NBAS: variants seen among roughly 807,000 people sequenced by gnomAD.
NBAS encodes NBAS subunit of NRZ tethering complex.
A neutral mutation model predicts 302.5 loss-of-function variants in NBAS; 219 were observed. That is an observed-to-expected ratio of 0.72 (90% confidence interval 0.65 to 0.81). The LOEUF is 0.81. NBAS is among the 30% of genes least tolerant of loss of function. The probability of loss-of-function intolerance (pLI) is 0.00; values close to 1 mark genes in which losing one functional copy is unlikely to be tolerated. For missense variants in NBAS, 2,932 were observed against 2,841.6 expected, an observed-to-expected ratio of 1.03 and a Z score of -0.72; for synonymous variants, 1,118 against 1,021.6, an observed-to-expected ratio of 1.09 and a Z score of -1.80.
intron 6 of NBAS, among the ~76,000 whole-genome samples, chr2:15,547,384 GA>G (rs1436142965): frequency 1.3e-5 from 2 of 152,258 alleles, no homozygotes; most frequent in East Asian, 3.9e-4. Context: ...CACATTATGT[GA>G]AATGGAAAGA....
At chr2:15,430,195 T>C (rs199509277) in intron 21 of NBAS, among the ~76,000 whole-genome samples, 3 of 152,188 alleles carry the variant, frequency 2.0e-5, no homozygotes, top group Non-Finnish European at 2.9e-5. Flanking sequence ...TAATACTTAT[T>C]TGGTATGTAG....
the NBAS span, among the ~76,000 whole-genome samples, chr2:14,844,415 G>A: frequency 3.9e-5 from 6 of 152,194 alleles, no homozygotes; most frequent in African/African-American, 9.7e-5. Flanking sequence ...GTAGTTCATC[G>A]AGGGCCTTGG....
intron 9 of NBAS, among the ~76,000 whole-genome samples, chr2:15,531,303 A>G (rs999896990): frequency 5.3e-5 from 8 of 152,300 alleles, no homozygotes; most frequent in Admixed American, 2.0e-4. Flanking sequence ...TGAAATTCCA[A>G]GACAATAGCT....
the NBAS span, among the ~76,000 whole-genome samples, chr2:15,042,461 G>A: frequency 5.9e-5 from 9 of 152,170 alleles, no homozygotes; most frequent in African/African-American, 2.2e-4. Flanking sequence ...TAAGTGAAAT[G>A]AACAACAATC....
At chr2:15,515,475 C>A (rs1226691451) in intron 9 of NBAS, among the ~76,000 whole-genome samples, 4 of 152,148 alleles carry the variant, frequency 2.6e-5, no homozygotes, top group Non-Finnish European at 5.9e-5. Flanking sequence ...AAGCCAAGAT[C>A]GAGCCACCAC....
chr2:15,239,739 CTATT>C (rs1667775843), intron 44 of NBAS, among the ~76,000 whole-genome samples: 1 of 151,798 alleles, frequency 6.6e-6, no homozygotes, highest in Non-Finnish European at 1.5e-5. Context: ...GGATTATGAG[CTATT>C]TTTTTTTCTT....
the NBAS span, among the ~76,000 whole-genome samples, chr2:14,798,986 G>A: frequency 6.6e-6 from 1 of 151,952 alleles, no homozygotes; most frequent in African/African-American, 2.4e-5. Flanking sequence ...TATAAATGCT[G>A]TAATATGCTC....
chr2:15,510,963 G>C (rs1272169335), intron 10 of NBAS, among the ~76,000 whole-genome samples: 8 of 152,064 alleles, frequency 5.3e-5, no homozygotes, highest in Non-Finnish European at 1.0e-4. Flanking sequence ...ACAAGGAATG[G>C]GACTACTGTT....
chr2:15,500,502 T>TCACACACA lies in NBAS; in HGVS notation c.954+3635_954+3642dup, dbSNP rs72095633. On this transcript the variant is annotated intron_variant, in intron 11 of 51. Coordinates refer to ENST00000281513, the MANE Select transcript of NBAS (RefSeq NM_015909.4). ...TCTACACCATTATATTTTAGAAGTC[T>TCACACACA]CACACACACACACACACACACACAC... Among the ~76,000 whole-genome samples the TCACACACA allele has an allele frequency of 3.6e-3, 491 of 136,226 alleles. 3 individuals are homozygous for TCACACACA. Among genetic ancestry groups the TCACACACA allele is most frequent in the African/African-American group, 8.6e-3 (303 of 35,376 alleles). The allele number at this position is 136,226 out of a possible 152,430, so 89.4% of individuals were successfully genotyped here. A position where few individuals can be genotyped will look rare whatever the true frequency, so the allele number is the denominator to read the frequency against.
chr2:15,182,164 C>A (rs553148434), intron 50 of NBAS, among the ~76,000 whole-genome samples: 4 of 152,328 alleles, frequency 2.6e-5, no homozygotes, highest in African/African-American at 9.6e-5. Flanking sequence ...CAGAGCCTCT[C>A]AGGTTGTGCT....
At chr2:14,933,368 A>C in the NBAS span, among the ~76,000 whole-genome samples, 2 of 152,188 alleles carry the variant, frequency 1.3e-5, no homozygotes, top group African/African-American at 4.8e-5. Context: ...AATCAACCTA[A>C]GCAAAGATAA....
At chr2:15,339,722 G>A (rs1672759330) in intron 35 of NBAS, among the ~76,000 whole-genome samples, 1 of 152,168 alleles carries the variant, frequency 6.6e-6, no homozygotes, top group South Asian at 2.1e-4. Flanking sequence ...AAAGCGGTGT[G>A]GCTGGGTGAG....
At chr2:14,822,153 G>A in the NBAS span, among the ~76,000 whole-genome samples, 1 of 152,180 alleles carries the variant, frequency 6.6e-6, no homozygotes, top group African/African-American at 2.4e-5. Flanking sequence ...AACCTGTGTA[G>A]GTAGTGTTTG....
At chr2:15,541,430 T>TC (rs2148693063) in intron 6 of NBAS, among the ~76,000 whole-genome samples, 1 of 152,294 alleles carries the variant, frequency 6.6e-6, no homozygotes, top group East Asian at 1.9e-4. Context: ...ACGGAAGTCA[T>TC]CTATCTACCT....
At chr2:15,458,547 G>A (rs572462464) in intron 21 of NBAS, among the ~76,000 whole-genome samples, 2 of 152,172 alleles carry the variant, frequency 1.3e-5, no homozygotes, top group Admixed American at 6.5e-5. Flanking sequence ...ATGTGAGAGC[G>A]CTTGCTCCCC....
the NBAS span, among the ~76,000 whole-genome samples, chr2:14,787,032 ATAGT>A: frequency 6.6e-6 from 1 of 152,102 alleles, no homozygotes; most frequent in African/African-American, 2.4e-5. Context: ...TATATTTAGG[ATAGT>A]TAGCTCTTCT....
At position 15,374,664 on chromosome 2, in the gene NBAS, A is replaced by G. The variant is rs1674646667; in HGVS notation, c.3647T>C (p.Leu1216Pro). 1 of 1,613,904 alleles carries G rather than the reference A, an allele frequency of 6.2e-7. No individual in the cohort carries two copies. The highest frequency in any genetic ancestry group is 1.7e-5 in the Admixed American group (1 of 60,006). The change falls in exon 31 of 52, where the codon CTT (leucine) becomes CCT (proline). Residue 1216 changes from leucine (L) to proline (P), a missense_variant. By Grantham distance (98) the Leu-to-Pro change is moderately conservative (BLOSUM62 -3). Transcript: ENST00000281513. ...TTCAAGACATCCAACGGCTTGGATA[A>G]GATCTAGCTCCTCTTGAATGGCAGG... ...RPPAIQEELD[L>P]IQAVGCLEEF...
chr2:15,041,333 C>T, the NBAS span, among the ~76,000 whole-genome samples: 1 of 152,210 alleles, frequency 6.6e-6, no homozygotes, highest in African/African-American at 2.4e-5. Flanking sequence ...AGCCACAGAC[C>T]AGGGCCAACA....
intron 11 of NBAS, among the ~76,000 whole-genome samples, chr2:15,494,691 A>G (rs1231917445): frequency 2.0e-5 from 3 of 152,214 alleles, no homozygotes; most frequent in Non-Finnish European, 2.9e-5. Flanking sequence ...AAGAGCTGAA[A>G]TAAGACAATA....
Sources: allele counts gnomAD v4.1 joint callset (sites outside exome capture counted in the v4.1 genomes callset), GRCh38; gene constraint gnomAD v4.1.1; transcripts MANE v1.5; gene names NCBI Gene and HGNC (gene_info 2026-07-23, HGNC 2026-07-21).